CERT1: variants seen among roughly 807,000 people sequenced by gnomAD.
CERT1 encodes the protein ceramide transfer protein.
CERT1 carries 31 observed loss-of-function variants against 87.9 expected under a neutral mutation model. The observed-to-expected ratio is 0.35, with a 90% confidence interval of 0.27 to 0.48. CERT1 has a LOEUF of 0.48. Ranked by LOEUF, CERT1 falls within the 20% of genes least tolerant of loss-of-function variation. The probability of loss-of-function intolerance (pLI) is 0.99; values close to 1 mark genes in which losing one functional copy is unlikely to be tolerated. For synonymous variants in CERT1, 289 were observed against 250.9 expected, an observed-to-expected ratio of 1.15 and a Z score of -1.44; for missense variants, 487 against 758.0, an observed-to-expected ratio of 0.64 and a Z score of 4.20.
chr5:75,368,765 G>T (rs1433747303), intron 17 of CERT1: 1 of 152,102 alleles, frequency 6.6e-6, no homozygotes, highest in Non-Finnish European at 1.5e-5. Flanking sequence ...CGTTATAAAA[G>T]CCCCTTGACT....
intron 8 of CERT1, among the ~76,000 whole-genome samples, chr5:75,407,856 CTT>C (rs758743663): frequency 8.0e-4 from 75 of 93,518 alleles, no homozygotes; most frequent in African/African-American, 1.1e-3. Flanking sequence ...TGAAGGAATT[CTT>C]TTTTTTTTTT....
At chr5:75,459,830 G>A (rs959065920) in intron 2 of CERT1, among the ~76,000 whole-genome samples, 1 of 151,944 alleles carries the variant, frequency 6.6e-6, no homozygotes, top group African/African-American at 2.4e-5. Flanking sequence ...GGGCGTGGTG[G>A]TGGGCACCTG....
chr5:75,456,204 T>A (rs999744177), intron 3 of CERT1, among the ~76,000 whole-genome samples: 3 of 152,168 alleles, frequency 2.0e-5, no homozygotes, highest in African/African-American at 7.2e-5. Flanking sequence ...ACATGTTAAA[T>A]AACTCAACAA....
chr5:75,481,320 A>AAT (rs1766232091), intron 2 of CERT1, among the ~76,000 whole-genome samples: 1 of 152,164 alleles, frequency 6.6e-6, no homozygotes, highest in African/African-American at 2.4e-5. Context: ...AAACTGCCCC[A>AAT]ATACACACAC....
intron 3 of CERT1, among the ~76,000 whole-genome samples, chr5:75,441,478 A>G (rs1220145251): frequency 2.6e-5 from 4 of 152,232 alleles, no homozygotes; most frequent in Admixed American, 6.5e-5. Flanking sequence ...AGTACAGTTC[A>G]GTAGTGGTAA....
chr5:75,372,609 G>A (rs769258363), intron 17 of CERT1: 35 of 152,132 alleles, frequency 2.3e-4, no homozygotes, highest in African/African-American at 3.9e-4. Context: ...CATGAAATCC[G>A]CGTGCATGTA....
At chr5:75,485,314 A>AAAAAAAAAAAAAAAG (rs1766466526) in intron 2 of CERT1, among the ~76,000 whole-genome samples, 1 of 129,866 alleles carries the variant, frequency 7.7e-6, no homozygotes. Context: ...CAAAAATACA[A>AAAAAAAAAAAAAAAG]AAAAAAAAAA....
chr5:75,408,702 C>T (rs1430511402), intron 8 of CERT1, among the ~76,000 whole-genome samples: 2 of 151,768 alleles, frequency 1.3e-5, no homozygotes, highest in Non-Finnish European at 2.9e-5. Context: ...GTAAGGGGCA[C>T]ACTAGAAGCC....
chr5:75,500,964 G>T (rs1767335045), intron 2 of CERT1, among the ~76,000 whole-genome samples: 2 of 150,538 alleles, frequency 1.3e-5, no homozygotes, highest in African/African-American at 2.4e-5. Flanking sequence ...TCCTTCCCTT[G>T]CTTTTATATC....
chr5:75,439,626 TTTCTGAAAATAAAA>T lies in CERT1; in HGVS notation c.349-13162_349-13149del, dbSNP rs1295796973. The stretch of plus-strand genomic sequence containing the variant: ...GTTAACATAAGCACAATAAAGGATT[TTTCTGAAAATAAAA>T]TTCTGAAACCCGTAATAAAATCAAA... On this transcript the variant is annotated intron_variant, in intron 3 of 16. Coordinates refer to ENST00000643780, the MANE Select transcript of CERT1 (RefSeq NM_001379029.1). 3.3e-5 allele frequency among the ~76,000 whole-genome samples: 5 copies of T among 152,160 alleles called. No individual in the cohort carries two copies. The South Asian group carries it at 1.0e-3, about 32-fold the overall frequency.
chr5:75,439,599 A>G (rs575118896), intron 3 of CERT1, among the ~76,000 whole-genome samples: 1 of 152,188 alleles, frequency 6.6e-6, no homozygotes, highest in East Asian at 1.9e-4. Flanking sequence ...ACAAGATTAA[A>G]TGTTAACATA....
In CERT1 at chr5:75,464,841, G is replaced by T. The variant is rs1765393286; in HGVS notation, c.232-5660C>A. On this transcript the variant is annotated intron_variant, in intron 2 of 16. Transcript: ENST00000643780. ...AACCCATCTGCCTTGATCTCCCAAA[G>T]TGCTGGGACTAGAGGCATGAGCCAC... 2.6e-5 allele frequency among the ~76,000 whole-genome samples: 4 copies of T among 152,162 alleles called. No homozygotes were observed. In the South Asian group the frequency reaches 8.3e-4, roughly 32 times the overall value.
chr5:75,372,151 C>T (rs997008518), intron 17 of CERT1: 2 of 152,146 alleles, frequency 1.3e-5, no homozygotes, highest in African/African-American at 4.8e-5. Context: ...TGTAAACTTG[C>T]CATACTTCTG....
chr5:75,425,338 A>G, intron 5 of CERT1, 23 bp downstream of exon 5: 1 of 1,601,512 alleles, frequency 6.2e-7, no homozygotes, highest in Non-Finnish European at 8.5e-7. Context: ...CCAAGTAAAA[A>G]TAGTGGTAAT....
chr5:75,386,060 G>A, intron 12 of CERT1, 26 bp from the exon 13 acceptor site: 2 of 1,428,144 alleles, frequency 1.4e-6, no homozygotes, highest in South Asian at 3.5e-5. Context: ...TTCCAAAACT[G>A]TTTGAAAATT....
intron 2 of CERT1, among the ~76,000 whole-genome samples, chr5:75,493,506 T>C (rs1766904433): frequency 6.6e-6 from 1 of 152,254 alleles, no homozygotes; most frequent in South Asian, 2.1e-4. Context: ...CCATTGCATC[T>C]TAGTTTCCAG....
chr5:75,458,682 G>A (rs1230964069), intron 3 of CERT1, among the ~76,000 whole-genome samples: 1 of 151,950 alleles, frequency 6.6e-6, no homozygotes, highest in Non-Finnish European at 1.5e-5. Flanking sequence ...CTCCTGAGTA[G>A]GTGGGATTAC....
intron 2 of CERT1, among the ~76,000 whole-genome samples, chr5:75,470,995 A>C (rs1051881916): frequency 4.6e-5 from 7 of 152,318 alleles, no homozygotes; most frequent in African/African-American, 1.7e-4. Flanking sequence ...GAATAGCTAC[A>C]AAAAGAAAAT....
intron 11 of CERT1, among the ~76,000 whole-genome samples, chr5:75,395,883 AC>A (rs1192851098): frequency 7.2e-6 from 1 of 138,854 alleles, no homozygotes; most frequent in Non-Finnish European, 1.7e-5. Context: ...GAAAAAACAA[AC>A]AACAACAACA....
Sources: gnomAD v4.1 joint callset for allele counts (sites outside exome capture counted in the v4.1 genomes callset) on GRCh38, gnomAD v4.1.1 for gene constraint, MANE v1.5 for transcripts, NCBI Gene and HGNC (gene_info 2026-07-23, HGNC 2026-07-21) for gene names.